TMEM135: variants seen among roughly 807,000 people sequenced by gnomAD.
The protein encoded by TMEM135 is peroxisomal membrane protein 52.
In TMEM135, 30 loss-of-function variants were observed where a neutral mutation model predicts 60.3. That is an observed-to-expected ratio of 0.50 (90% CI 0.37 to 0.68). The LOEUF is 0.68. Ranked by LOEUF, TMEM135 falls within the 30% of genes least tolerant of loss-of-function variation. The pLI is 0.00. For synonymous variants in TMEM135, 190 were observed against 186.7 expected, an observed-to-expected ratio of 1.02 and a Z score of -0.14; for missense variants, 468 against 548.8, an observed-to-expected ratio of 0.85 and a Z score of 1.47.
intron 6 of TMEM135, among the ~76,000 whole-genome samples, chr11:87,280,816 G>C (rs1020765552): frequency 6.6e-6 from 1 of 152,130 alleles, no homozygotes; most frequent in Non-Finnish European, 1.5e-5. Context: ...GTGAAGGAGT[G>C]AATAAATGAT....
chr11:87,321,129 A>T, intron 14 of TMEM135, 72 bp from the exon 15 acceptor site: 1 of 1,374,712 alleles, frequency 7.3e-7, no homozygotes, highest in Non-Finnish European at 1.0e-6. Context: ...ACATAAGATA[A>T]GTCAACTAAA....
chr11:87,058,572 C>T (rs144057103), intron 1 of TMEM135, among the ~76,000 whole-genome samples: 1 of 151,982 alleles, frequency 6.6e-6, no homozygotes, highest in Non-Finnish European at 1.5e-5. Context: ...CTCAAGTGAT[C>T]CACCCGCCTT....
At chr11:87,249,650 A>G (rs538129993) in intron 6 of TMEM135, among the ~76,000 whole-genome samples, 1 of 152,226 alleles carries the variant, frequency 6.6e-6, no homozygotes, top group East Asian at 1.9e-4. Flanking sequence ...ACATCCTTGT[A>G]TCCCTGGGAT....
intron 5 of TMEM135, among the ~76,000 whole-genome samples, chr11:87,193,772 TTA>T: frequency 6.8e-6 from 1 of 148,006 alleles, no homozygotes; most frequent in Non-Finnish European, 1.5e-5. Context: ...ATATATTATA[TTA>T]TATATTATAT....
chr11:87,126,435 T>G (rs904717867), intron 4 of TMEM135, among the ~76,000 whole-genome samples: 5 of 151,916 alleles, frequency 3.3e-5, no homozygotes, highest in African/African-American at 1.2e-4. Flanking sequence ...ATTCATCCTT[T>G]CAATAAAAAA....
intron 12 of TMEM135, among the ~76,000 whole-genome samples, chr11:87,316,280 G>A (rs1020595514): frequency 4.0e-5 from 6 of 150,786 alleles, no homozygotes; most frequent in Admixed American, 4.0e-4. Flanking sequence ...GTGTGTGTGT[G>A]TGTGTGAGAG....
chr11:87,250,227 G>A lies in TMEM135; in HGVS notation c.509+13543G>A, dbSNP rs528002400. On this transcript the variant is annotated intron_variant, in intron 6 of 14. Coordinates refer to ENST00000305494, the MANE Select transcript of TMEM135 (RefSeq NM_022918.4). ...TAGTTATTCTGGCTAAAGTTTTGTC[G>A]ATCTATTTATCTTTTCAAAAAACCA... Among the ~76,000 whole-genome samples, 23 of 151,946 alleles carry A rather than the reference G, an allele frequency of 1.5e-4. No homozygotes were observed. In the South Asian group the frequency reaches 4.2e-3, roughly 27 times the overall value.
intron 5 of TMEM135, among the ~76,000 whole-genome samples, chr11:87,198,089 G>A (rs372918592): frequency 2.0e-5 from 3 of 152,136 alleles, no homozygotes; most frequent in African/African-American, 7.2e-5. Context: ...GTCATTTCAA[G>A]CCCTCTCTTC....
intron 5 of TMEM135, among the ~76,000 whole-genome samples, chr11:87,178,068 T>A (rs561607803): frequency 2.0e-5 from 3 of 152,164 alleles, no homozygotes; most frequent in African/African-American, 7.2e-5. Flanking sequence ...AGAGCTTTTA[T>A]TGGGGTTTCA....
At chr11:87,295,957 A>G in intron 7 of TMEM135, 134 bp downstream of exon 7, 1 of 740,694 alleles carries the variant, frequency 1.4e-6, no homozygotes, top group Non-Finnish European at 2.2e-6. Flanking sequence ...AGTATTTCCA[A>G]GCCTGCGGAT....
intron 3 of TMEM135, among the ~76,000 whole-genome samples, chr11:87,080,299 T>C (rs901870363): frequency 3.9e-5 from 6 of 151,996 alleles, no homozygotes; most frequent in African/African-American, 1.2e-4. Context: ...GAGGGCTCTC[T>C]TGTGCAGTGT....
chr11:87,168,898 G>C (rs370000891), intron 5 of TMEM135, among the ~76,000 whole-genome samples: 3 of 152,038 alleles, frequency 2.0e-5, no homozygotes, highest in African/African-American at 7.2e-5. Context: ...TGGACGATGA[G>C]GTGTTAAACT....
chr11:87,284,119 A>T (rs749123071), intron 6 of TMEM135, among the ~76,000 whole-genome samples: 9 of 62,208 alleles, frequency 1.4e-4, no homozygotes, highest in African/African-American at 3.2e-4. Flanking sequence ...ATTATTTGAT[A>T]TTTTTTTGGT....
intron 8 of TMEM135, among the ~76,000 whole-genome samples, chr11:87,303,896 A>C (rs1942489925): frequency 6.6e-6 from 1 of 152,228 alleles, no homozygotes; most frequent in African/African-American, 2.4e-5. Flanking sequence ...TGATCAGGTC[A>C]TGACAGAACG....
rs115833321 is a variant in TMEM135, at chr11:87,120,244, C to T, written c.396+28849C>T. ...CCTCCTGAGTAGCTGGGACCACAGG[C>T]ATGCACCACTATGACCAGCTAATTT... On this transcript the variant is annotated intron_variant, in intron 4 of 14. Coordinates refer to ENST00000305494, the MANE Select transcript of TMEM135 (RefSeq NM_022918.4). Among the ~76,000 whole-genome samples, 1,349 of 151,182 alleles carry T rather than the reference C, an allele frequency of 8.9e-3. 22 individuals are homozygous for T. The highest frequency in any genetic ancestry group is 0.03 in the African/African-American group (1,248 of 41,272).
intron 5 of TMEM135, among the ~76,000 whole-genome samples, chr11:87,206,943 G>T (rs1940248611): frequency 1.3e-5 from 2 of 151,984 alleles, no homozygotes; most frequent in Admixed American, 1.3e-4. Context: ...TCAAGAGTAA[G>T]ATTAAAAAAA....
chr11:87,074,426 A>G (rs988956569), intron 3 of TMEM135, among the ~76,000 whole-genome samples: 2 of 150,808 alleles, frequency 1.3e-5, no homozygotes, highest in Non-Finnish European at 3.0e-5. Flanking sequence ...ATCAATAGAA[A>G]AACTGTGTAT....
intron 6 of TMEM135, among the ~76,000 whole-genome samples, chr11:87,247,646 G>C (rs1275491248): frequency 2.0e-5 from 3 of 152,200 alleles, no homozygotes; most frequent in Admixed American, 1.3e-4. Context: ...CGTGGGCGTA[G>C]GACCCTCCGA....
intron 1 of TMEM135, among the ~76,000 whole-genome samples, chr11:87,058,326 T>TTCA (rs1949912952): frequency 6.6e-6 from 1 of 150,908 alleles, no homozygotes; most frequent in African/African-American, 2.4e-5. Context: ...TTCTGCCTCC[T>TTCA]TTATTATTAT....
Sources: gnomAD v4.1 joint callset for allele counts (sites outside exome capture counted in the v4.1 genomes callset) on GRCh38, gnomAD v4.1.1 for gene constraint, MANE v1.5 for transcripts, NCBI Gene and HGNC (gene_info 2026-07-23, HGNC 2026-07-21) for gene names.